The following PPP1R9A variants were observed in gnomAD, a reference collection of about 807,000 sequenced individuals.
The protein encoded by PPP1R9A is neurabin-1.
A neutral mutation model predicts 141.9 loss-of-function variants in PPP1R9A; 59 were observed. The observed-to-expected ratio is 0.42, with a 90% CI of 0.34 to 0.52. The LOEUF (loss-of-function observed/expected upper bound fraction) is 0.52. PPP1R9A is among the 20% of genes least tolerant of loss of function. The pLI, the probability that PPP1R9A is intolerant of heterozygous loss-of-function variation, is 0.10. For synonymous variants in PPP1R9A, 500 were observed against 569.7 expected (o/e 0.88, Z 1.74); for missense variants, 1,444 against 1,611.9 (o/e 0.90, Z 1.78).
At chr7:95,101,779 A>G (rs1818828577) in intron 2 of PPP1R9A, among the ~76,000 whole-genome samples, 1 of 152,234 alleles carries the variant, frequency 6.6e-6, no homozygotes, top group Admixed American at 6.5e-5. Flanking sequence ...ATGAACAAAT[A>G]TAAATTGACC....
At chr7:95,047,012 C>T (rs1810118145) in intron 2 of PPP1R9A, among the ~76,000 whole-genome samples, 1 of 152,128 alleles carries the variant, frequency 6.6e-6, no homozygotes, top group South Asian at 2.1e-4. Flanking sequence ...TGGTGCTGGG[C>T]TCTCTCCTGG....
intron 2 of PPP1R9A, among the ~76,000 whole-genome samples, chr7:95,047,601 C>T (rs983294724): frequency 2.0e-5 from 3 of 152,190 alleles, no homozygotes; most frequent in Admixed American, 6.5e-5. Flanking sequence ...TCAGGTGGTA[C>T]CTTTGCTGAA....
At chr7:95,190,110 A>G (rs1835280458) in intron 5 of PPP1R9A, among the ~76,000 whole-genome samples, 1 of 152,118 alleles carries the variant, frequency 6.6e-6, no homozygotes, top group African/African-American at 2.4e-5. Flanking sequence ...GTTTTGCCAC[A>G]TTACCAGAAT....
At chr7:95,126,594 G>A (rs1823601182) in intron 4 of PPP1R9A, among the ~76,000 whole-genome samples, 1 of 152,084 alleles carries the variant, frequency 6.6e-6, no homozygotes, top group Admixed American at 6.6e-5. Flanking sequence ...TGCTATCCTG[G>A]AAAACTTTGG....
intron 4 of PPP1R9A, among the ~76,000 whole-genome samples, chr7:95,148,516 A>ATAT (rs1220712960): frequency 6.6e-6 from 1 of 152,028 alleles, no homozygotes; most frequent in Non-Finnish European, 1.5e-5. Flanking sequence ...CGGCAATCTG[A>ATAT]ATAGGCCTAT....
At chr7:95,166,163 A>C (rs188995489) in intron 5 of PPP1R9A, among the ~76,000 whole-genome samples, 2 of 151,574 alleles carry the variant, frequency 1.3e-5, no homozygotes, top group Non-Finnish European at 2.9e-5. Context: ...AAAAAAAAAA[A>C]AAAGAAAGAA....
intron 7 of PPP1R9A, among the ~76,000 whole-genome samples, chr7:95,209,732 AT>A (rs1225137897): frequency 6.6e-6 from 1 of 152,146 alleles, no homozygotes; most frequent in East Asian, 1.9e-4. Context: ...TTCTGGTTCT[AT>A]CTGATGATCT....
At chr7:95,184,778 T>A (rs1294136217) in intron 5 of PPP1R9A, among the ~76,000 whole-genome samples, 4 of 152,194 alleles carry the variant, frequency 2.6e-5, no homozygotes, top group Non-Finnish European at 5.9e-5. Flanking sequence ...CCATCCAGGT[T>A]GCTGCAAATG....
chr7:95,161,869 T>C lies in PPP1R9A; in HGVS notation c.1652T>C (p.Ile551Thr). The part of the protein sequence containing the change: ...EGGAAQRDGR[I>T]QVNDQIVEVD... Reference sequence around the variant, plus strand: ...GTAATTTTTTCCTCTTTCTAAAGAATACAAGTCAATGACCAGATTGTGGAA... The same window carrying C: ...GTAATTTTTTCCTCTTTCTAAAGAACACAAGTCAATGACCAGATTGTGGAA... Residue 551 changes from isoleucine (I) to threonine (T), a missense_variant and splice_region_variant, in exon 5 of 20, where the codon ATA (isoleucine) becomes ACA (threonine). By Grantham distance (89) the Ile-to-Thr change is moderately conservative (BLOSUM62 -1). This residue lies in a region of PPP1R9A where 488 missense variants were observed against 542.0 expected (regional missense o/e 0.90). Transcript: ENST00000433360. The C allele has an allele frequency of 6.2e-7, 1 of 1,603,544 alleles. No individual in the cohort carries two copies. Among genetic ancestry groups the C allele is most frequent in the Non-Finnish European group, 8.5e-7 (1 of 1,174,160 alleles).
chr7:94,918,055 A>G (rs914524202), intron 2 of PPP1R9A, among the ~76,000 whole-genome samples: 1 of 152,150 alleles, frequency 6.6e-6, no homozygotes, highest in African/African-American at 2.4e-5. Flanking sequence ...CTGTTATCTA[A>G]TTTACCTGAT....
At chr7:95,023,689 C>T (rs1228211817) in intron 2 of PPP1R9A, among the ~76,000 whole-genome samples, 4 of 151,948 alleles carry the variant, frequency 2.6e-5, no homozygotes, top group African/African-American at 9.7e-5. Context: ...GTAGCTGGGA[C>T]TACAGGCACC....
At chr7:95,289,538 G>A (rs1262438888) in intron 19 of PPP1R9A, among the ~76,000 whole-genome samples, 1 of 152,082 alleles carries the variant, frequency 6.6e-6, no homozygotes, top group East Asian at 1.9e-4. Context: ...TAAGTTCATC[G>A]AGCAACCTCC....
chr7:95,276,470 G>A (rs1222851249), intron 16 of PPP1R9A, among the ~76,000 whole-genome samples: 1 of 152,130 alleles, frequency 6.6e-6, no homozygotes, highest in Non-Finnish European at 1.5e-5. Flanking sequence ...TTCTAGATTG[G>A]CTGCCTCGCC....
chr7:95,247,431 C>T (rs367782656), intron 8 of PPP1R9A, 42 bp from the exon 9 acceptor site: 3 of 1,498,740 alleles, frequency 2.0e-6, no homozygotes, highest in Non-Finnish European at 1.9e-6. Context: ...AATATAGATA[C>T]ACTTTCTTAG....
intron 2 of PPP1R9A, among the ~76,000 whole-genome samples, chr7:95,048,699 C>T (rs868394807): frequency 6.6e-5 from 10 of 151,862 alleles, no homozygotes; most frequent in Non-Finnish European, 1.5e-4. Flanking sequence ...CCTGCCACCA[C>T]GCCGAGCTAA....
chr7:95,021,437 T>C (rs1043331103), intron 2 of PPP1R9A, among the ~76,000 whole-genome samples: 2 of 152,134 alleles, frequency 1.3e-5, no homozygotes, highest in African/African-American at 4.8e-5. Flanking sequence ...TTCACTCTGA[T>C]GATAGTTTCT....
chr7:95,238,227 T>C (rs545188982), intron 8 of PPP1R9A, among the ~76,000 whole-genome samples: 4 of 152,170 alleles, frequency 2.6e-5, no homozygotes, highest in Non-Finnish European at 4.4e-5. Context: ...CACCTATACT[T>C]CTTTCTGTCC....
intron 8 of PPP1R9A, among the ~76,000 whole-genome samples, chr7:95,241,327 T>G (rs1370905069): frequency 6.6e-6 from 1 of 152,162 alleles, no homozygotes; most frequent in Non-Finnish European, 1.5e-5. Context: ...GAGGCCCCAT[T>G]CCTGGGCAAG....
chr7:94,999,196 A>G (rs573196301), intron 2 of PPP1R9A, among the ~76,000 whole-genome samples: 16 of 152,206 alleles, frequency 1.1e-4, no homozygotes, highest in Non-Finnish European at 2.1e-4. Flanking sequence ...TTGTTGGGGA[A>G]GTTTCATATT....
Sources: allele counts gnomAD v4.1 joint callset (sites outside exome capture counted in the v4.1 genomes callset), GRCh38; gene constraint gnomAD v4.1.1; regional missense constraint gnomAD v4.1.1; transcripts MANE v1.5; gene names NCBI Gene and HGNC (gene_info 2026-07-23, HGNC 2026-07-21).